USH2A: variants seen among roughly 807,000 people sequenced by gnomAD.
The protein encoded by USH2A is Usher syndrome 2A (autosomal recessive, mild).
In USH2A, 443 loss-of-function variants were observed where a neutral mutation model predicts 538.9. The observed-to-expected ratio is 0.82, with a 90% CI of 0.76 to 0.89. The LOEUF (loss-of-function observed/expected upper bound fraction) is 0.89. Ranked by LOEUF, USH2A falls within the 40% of genes least tolerant of loss-of-function variation. The pLI, the probability that USH2A is intolerant of heterozygous loss-of-function variation, is 0.00. For missense variants in USH2A, 6,633 were observed against 6,324.8 expected, an observed-to-expected ratio of 1.05 and a Z score of -1.65; for synonymous variants, 2,413 against 2,273.5, an observed-to-expected ratio of 1.06 and a Z score of -1.75.
chr1:215,849,712 A>C (rs911745773), intron 44 of USH2A, among the ~76,000 whole-genome samples: 4 of 152,206 alleles, frequency 2.6e-5, no homozygotes, highest in Admixed American at 6.5e-5. Context: ...AGGTAAACCA[A>C]AAATTAGGAA....
rs546921098 is a variant in USH2A, at chr1:215,903,979, A to G, written c.7301-3074T>C. On this transcript the variant is annotated intron_variant, in intron 38 of 71. Transcript: ENST00000307340. ...CTATGAACACAAATGGTTTTTAACA[A>G]TCATAATTTATTTGACATATATACT... 2.6e-5 allele frequency among the ~76,000 whole-genome samples: 4 copies of G among 152,248 alleles called. No individual in the cohort carries two copies. The South Asian group carries it at 8.3e-4, about 32-fold the overall frequency.
At chr1:215,935,347 C>A (rs1006868274) in intron 37 of USH2A, among the ~76,000 whole-genome samples, 2 of 151,942 alleles carry the variant, frequency 1.3e-5, no homozygotes, top group African/African-American at 4.8e-5. Context: ...TTCTTTCTAT[C>A]TAATGCCCTT....
intron 32 of USH2A, among the ~76,000 whole-genome samples, chr1:216,039,845 G>C (rs569771646): frequency 1.3e-5 from 2 of 151,958 alleles, no homozygotes; most frequent in South Asian, 4.1e-4. Flanking sequence ...AGTTTAAGAT[G>C]AGCATTTCTA....
intron 37 of USH2A, among the ~76,000 whole-genome samples, chr1:215,936,829 T>A (rs1666511776): frequency 6.6e-6 from 1 of 152,092 alleles, no homozygotes; most frequent in Admixed American, 6.6e-5. Flanking sequence ...TGTGTCATTG[T>A]CCCATCAGAT....
chr1:216,001,634 T>C (rs1668267875), intron 32 of USH2A, among the ~76,000 whole-genome samples: 1 of 152,150 alleles, frequency 6.6e-6, no homozygotes, highest in Non-Finnish European at 1.5e-5. Flanking sequence ...AATAAGTTAG[T>C]CACAATTTAA....
At chr1:215,861,106 C>T (rs1232365775) in intron 44 of USH2A, among the ~76,000 whole-genome samples, 1 of 152,136 alleles carries the variant, frequency 6.6e-6, no homozygotes, top group East Asian at 1.9e-4. Flanking sequence ...AAGTCAGCCT[C>T]CTTAGTTTTC....
At chr1:216,298,901 C>T (rs370008666) in intron 9 of USH2A, among the ~76,000 whole-genome samples, 7 of 151,232 alleles carry the variant, frequency 4.6e-5, no homozygotes, top group East Asian at 3.9e-4. Flanking sequence ...AGTGCAGTGG[C>T]GCAATCTTGG....
intron 44 of USH2A, among the ~76,000 whole-genome samples, chr1:215,853,783 C>A (rs1354173641): frequency 1.3e-5 from 2 of 152,166 alleles, no homozygotes; most frequent in Non-Finnish European, 2.9e-5. Flanking sequence ...TAACAAGAGT[C>A]ACCTTTGTTC....
At position 215,865,636 on chromosome 1, in the gene USH2A, G is replaced by T. The variant is rs545161688; in HGVS notation, c.8845+1371C>A. ...TAAAAACTTTGTATTTTTCCCAGAGGTGTTTCAGAGGGTAGCCATAAGCAT... is the reference window on the plus strand; with the variant it reads ...TAAAAACTTTGTATTTTTCCCAGAGTTGTTTCAGAGGGTAGCCATAAGCAT... On this transcript the variant is annotated intron_variant, in intron 44 of 71. Coordinates refer to ENST00000307340, the MANE Select transcript of USH2A (RefSeq NM_206933.4). Among the ~76,000 whole-genome samples, 3 of 152,184 alleles carry T rather than the reference G, an allele frequency of 2.0e-5. No individual in the cohort carries two copies. In the East Asian group the frequency reaches 5.8e-4, roughly 29 times the overall value.
rs955306011 is a variant in USH2A, at chr1:216,418,799, A to G, written c.486-120T>C. 4.2e-6 allele frequency: 4 copies of G among 956,582 alleles called. 1 individual carries two copies. Among genetic ancestry groups the G allele is most frequent in the Middle Eastern group, 4.2e-4 (2 of 4,786 alleles). 59.3% of individuals were successfully genotyped at this position (956,582 alleles called of 1,614,324 possible). A position where few individuals can be genotyped will look rare whatever the true frequency, so the allele number is the denominator to read the frequency against. On this transcript the variant is annotated intron_variant, in intron 2 of 71. Transcript: ENST00000307340. ...CAAACTTTGCTCAAAATGGTGTACT[A>G]TGAATAAGTGCCTGAATGTCATTAT...
chr1:216,384,819 T>C (rs952070997), intron 3 of USH2A, among the ~76,000 whole-genome samples: 2 of 152,132 alleles, frequency 1.3e-5, no homozygotes, highest in Non-Finnish European at 2.9e-5. Context: ...ACTAAAGATA[T>C]TTTCCTTGTG....
Position 215,872,412 on chromosome 1 carries a change from G to A in USH2A, c.8682-5242C>T, listed in dbSNP as rs191748183. ...TAATATGAGACATTTTAGATTGTGA[G>A]TGAAACTTGAAGCTGTTATGTTTCT... On this transcript the variant is annotated intron_variant, in intron 43 of 71. Transcript: ENST00000307340. Among the ~76,000 whole-genome samples the A allele has an allele frequency of 2.7e-3, 409 of 152,260 alleles. 2 individuals are homozygous for A. Among genetic ancestry groups the A allele is most frequent in the Middle Eastern group, 6.8e-3 (2 of 294 alleles).
intron 47 of USH2A, among the ~76,000 whole-genome samples, chr1:215,822,782 T>C (rs1296003315): frequency 6.6e-6 from 1 of 151,962 alleles, no homozygotes; most frequent in Non-Finnish European, 1.5e-5. Flanking sequence ...TTTTGATGTA[T>C]GCACCTTCTA....
At chr1:216,260,785 G>C in intron 11 of USH2A, among the ~76,000 whole-genome samples, 1 of 152,078 alleles carries the variant, frequency 6.6e-6, no homozygotes. Flanking sequence ...TATTGGAAGA[G>C]GCACAAGGTA....
At chr1:215,660,867 T>C (rs922883115) in intron 64 of USH2A, among the ~76,000 whole-genome samples, 3 of 152,166 alleles carry the variant, frequency 2.0e-5, no homozygotes, top group Non-Finnish European at 4.4e-5. Flanking sequence ...CAAGAAGAAG[T>C]CTCAACTATG....
In USH2A at chr1:215,993,113, C is replaced by CGTCA; in HGVS notation, c.6708_6711dup (p.Glu2238Ter). ...GCTGGCACGCCTTCGGGTATGTCCT[C>CGTCA]GTCAGTTAGGGCCTCACTGGCCTCA... On this transcript the variant is annotated stop_gained and frameshift_variant, in exon 35 of 72. Transcript: ENST00000307340. LOFTEE classifies it high-confidence loss of function. 1 of 1,614,022 alleles carries CGTCA rather than the reference C, an allele frequency of 6.2e-7. No homozygotes were observed. Among genetic ancestry groups the CGTCA allele is most frequent in the Middle Eastern group, 1.7e-4 (1 of 6,058 alleles).
intron 60 of USH2A, among the ~76,000 whole-genome samples, chr1:215,730,691 T>C (rs766084901): frequency 6.6e-6 from 1 of 152,206 alleles, no homozygotes; most frequent in Non-Finnish European, 1.5e-5. Context: ...GATCCTTAAG[T>C]TGATAAATCA....
At chr1:216,079,014 G>A (rs2031846790) in intron 26 of USH2A, 1 of 151,792 alleles carries the variant, frequency 6.6e-6, no homozygotes, top group Non-Finnish European at 1.5e-5. Context: ...AAGTTCATAG[G>A]TTTTCCTTCA....
intron 3 of USH2A, among the ~76,000 whole-genome samples, chr1:216,392,491 CAAAAAAAAAAA>C (rs55951311): frequency 2.0e-5 from 1 of 49,482 alleles, no homozygotes; most frequent in Admixed American, 2.6e-4. Context: ...GACTCCGTCT[CAAAAAAAAAAA>C]AAAAAAAAAA....
Sources: allele counts gnomAD v4.1 joint callset (sites outside exome capture counted in the v4.1 genomes callset), GRCh38; gene constraint gnomAD v4.1.1; transcripts MANE v1.5; gene names NCBI Gene and HGNC (gene_info 2026-07-23, HGNC 2026-07-21).